TRERF1: variants seen among roughly 807,000 people sequenced by gnomAD.
TRERF1 encodes transcriptional-regulating factor 1.
In TRERF1, 27 loss-of-function variants were observed where a neutral mutation model predicts 122.9. That is an observed-to-expected ratio of 0.22 (90% CI 0.16 to 0.30). The LOEUF is 0.30. TRERF1 is among the 10% of genes least tolerant of loss of function. The pLI is 1.00. For synonymous variants in TRERF1, 636 were observed against 641.7 expected, an observed-to-expected ratio of 0.99 and a Z score of 0.13; for missense variants, 1,248 against 1,560.3, an observed-to-expected ratio of 0.80 and a Z score of 3.37.
intron 2 of TRERF1, among the ~76,000 whole-genome samples, chr6:42,363,732 T>C (rs1293541663): frequency 6.6e-6 from 1 of 152,142 alleles, no homozygotes; most frequent in Non-Finnish European, 1.5e-5. Context: ...TCTGGTGTCC[T>C]TATAAAAAGG....
chr6:42,291,452 A>G (rs1582853861), intron 4 of TRERF1, among the ~76,000 whole-genome samples: 3 of 109,922 alleles, frequency 2.7e-5, no homozygotes, highest in African/African-American at 1.3e-4. Context: ...ACTTTACACT[A>G]AAAAAAAAAA....
intron 3 of TRERF1, among the ~76,000 whole-genome samples, chr6:42,338,808 C>T (rs1350105274): frequency 6.6e-6 from 1 of 152,202 alleles, no homozygotes; most frequent in Non-Finnish European, 1.5e-5. Flanking sequence ...ACATGGGACT[C>T]TCTGCACTGC....
At chr6:42,289,373 C>T (rs1783897670) in intron 4 of TRERF1, among the ~76,000 whole-genome samples, 1 of 150,966 alleles carries the variant, frequency 6.6e-6, no homozygotes, top group South Asian at 2.1e-4. Flanking sequence ...AAAAACACAA[C>T]CCAGCAACAA....
intron 3 of TRERF1, among the ~76,000 whole-genome samples, chr6:42,353,965 T>C (rs1427518102): frequency 6.6e-6 from 1 of 152,286 alleles, no homozygotes; most frequent in Non-Finnish European, 1.5e-5. Flanking sequence ...TATGTATTAC[T>C]TTAATTTTTT....
chr6:42,428,604 T>A (rs2151635496), intron 2 of TRERF1, among the ~76,000 whole-genome samples: 1 of 152,338 alleles, frequency 6.6e-6, no homozygotes, highest in African/African-American at 2.4e-5. Flanking sequence ...GAGACTGGCC[T>A]ATCCCCATAG....
chr6:42,260,987 C>A (rs868640277), intron 8 of TRERF1, among the ~76,000 whole-genome samples: 2 of 152,100 alleles, frequency 1.3e-5, no homozygotes, highest in African/African-American at 2.4e-5. Context: ...GGGTCCCAGG[C>A]TCCCGGCTCC....
intron 4 of TRERF1, among the ~76,000 whole-genome samples, chr6:42,282,866 G>A (rs1782536165): frequency 6.6e-6 from 1 of 152,154 alleles, no homozygotes; most frequent in Non-Finnish European, 1.5e-5. Context: ...GCCCCTGGTT[G>A]CAACATTTTT....
intron 4 of TRERF1, among the ~76,000 whole-genome samples, chr6:42,291,569 T>C (rs2150149642): frequency 6.6e-6 from 1 of 152,298 alleles, no homozygotes; most frequent in South Asian, 2.1e-4. Context: ...AGTTTCGCTC[T>C]GTCACCCAGG....
intron 2 of TRERF1, among the ~76,000 whole-genome samples, chr6:42,390,652 G>A (rs1022263850): frequency 7.9e-5 from 12 of 152,168 alleles, no homozygotes; most frequent in African/African-American, 2.4e-4. Context: ...AGACAGGACC[G>A]TACGAAAGAC....
At chr6:42,376,178 A>G (rs1329800098) in intron 2 of TRERF1, among the ~76,000 whole-genome samples, 1 of 152,190 alleles carries the variant, frequency 6.6e-6, no homozygotes, top group South Asian at 2.1e-4. Context: ...CCCACCCCAA[A>G]CAAAATAAAA....
chr6:42,319,771 C>A (rs560208905), intron 3 of TRERF1, among the ~76,000 whole-genome samples: 2 of 147,860 alleles, frequency 1.4e-5, no homozygotes, highest in African/African-American at 5.0e-5. Flanking sequence ...CATGATTGTG[C>A]CACTGCACTC....
intron 2 of TRERF1, among the ~76,000 whole-genome samples, chr6:42,429,696 G>A (rs1410461059): frequency 2.0e-5 from 3 of 152,154 alleles, no homozygotes; most frequent in East Asian, 1.9e-4. Flanking sequence ...TTTACGGAGC[G>A]CCTACTGTGT....
intron 15 of TRERF1, among the ~76,000 whole-genome samples, chr6:42,239,613 G>A (rs1366527502): frequency 2.6e-5 from 4 of 152,122 alleles, no homozygotes; most frequent in South Asian, 2.1e-4. Context: ...CCGCCCTTAC[G>A]TAAAACATTG....
chr6:42,354,385 C>A (rs1457091015), intron 3 of TRERF1, among the ~76,000 whole-genome samples: 3 of 128,642 alleles, frequency 2.3e-5, no homozygotes, highest in Non-Finnish European at 4.5e-5. Flanking sequence ...CTGTTGTTTC[C>A]CTTTTTTTTT....
intron 2 of TRERF1, among the ~76,000 whole-genome samples, chr6:42,403,271 T>A (rs1779681450): frequency 6.6e-6 from 1 of 152,104 alleles, no homozygotes; most frequent in Non-Finnish European, 1.5e-5. Flanking sequence ...AATCTTAGAA[T>A]GTGATTTTAT....
At chr6:42,394,250 A>C (rs1778210657) in intron 2 of TRERF1, among the ~76,000 whole-genome samples, 1 of 151,836 alleles carries the variant, frequency 6.6e-6, no homozygotes, top group Admixed American at 6.6e-5. Context: ...CTCTCCCCCC[A>C]CAACACACTA....
At chr6:42,435,946 C>T (rs1460580427) in intron 2 of TRERF1, among the ~76,000 whole-genome samples, 2 of 151,794 alleles carry the variant, frequency 1.3e-5, no homozygotes, top group Non-Finnish European at 2.9e-5. Context: ...CACCACTGCA[C>T]TCCAGCCCAG....
intron 2 of TRERF1, among the ~76,000 whole-genome samples, chr6:42,384,083 C>T (rs1211178380): frequency 1.3e-5 from 2 of 151,882 alleles, no homozygotes; most frequent in African/African-American, 4.8e-5. Flanking sequence ...ATCAGTATCA[C>T]AAATGTAGAG....
chr6:42,254,563 C>T (rs972783668), intron 13 of TRERF1, among the ~76,000 whole-genome samples: 1 of 152,172 alleles, frequency 6.6e-6, no homozygotes, highest in Non-Finnish European at 1.5e-5. Flanking sequence ...CTGATTGTAC[C>T]TTCTGTGGCT....
Sources: gnomAD v4.1 joint callset for allele counts (sites outside exome capture counted in the v4.1 genomes callset) on GRCh38, gnomAD v4.1.1 for gene constraint, MANE v1.5 for transcripts, NCBI Gene and HGNC (gene_info 2026-07-23, HGNC 2026-07-21) for gene names.